Variants in SPTAN1 observed in about 807,000 individuals in gnomAD.
SPTAN1 encodes the protein spectrin alpha chain, non-erythrocytic 1.
A neutral mutation model predicts 331.3 loss-of-function variants in SPTAN1; 61 were observed. The ratio of observed to expected loss-of-function variants is 0.18; its 90% confidence interval spans 0.15 to 0.23. SPTAN1 has a LOEUF of 0.23. Ranked by LOEUF, SPTAN1 falls within the 10% of genes least tolerant of loss-of-function variation. The probability of loss-of-function intolerance (pLI) is 1.00; values close to 1 mark genes in which losing one functional copy is unlikely to be tolerated. For missense variants in SPTAN1, 2,043 were observed against 3,147.9 expected, an observed-to-expected ratio of 0.65 and a Z score of 8.40; for synonymous variants, 1,153 against 1,173.9, an observed-to-expected ratio of 0.98 and a Z score of 0.36.
intron 18 of SPTAN1, 128 bp from the exon 19 acceptor site, chr9:128,585,620 A>G (rs1402436314): frequency 3.9e-5 from 32 of 811,864 alleles, no homozygotes; most frequent in Non-Finnish European, 5.6e-5. Context: ...AAATGGAATT[A>G]TGAAAGGGCA....
chr9:128,623,321 C>A (rs183701883), intron 45 of SPTAN1, among the ~76,000 whole-genome samples: 1 of 151,724 alleles, frequency 6.6e-6, no homozygotes, highest in Admixed American at 6.6e-5. Context: ...GTGATTCTCT[C>A]GCCTTGTGCT....
chr9:128,596,368 C>T (rs1564254984), intron 24 of SPTAN1: 1 of 152,114 alleles, frequency 6.6e-6, no homozygotes, highest in Non-Finnish European at 1.5e-5. Context: ...CCTCCACCTC[C>T]CAGGTTCACG....
rs41308912 is a variant in SPTAN1, at chr9:128,630,243, C to T, written c.6708-78C>T. 0.095 allele frequency: 144,020 copies of T among 1,518,700 alleles called. 7,985 individuals carry two copies. The highest frequency in any genetic ancestry group is 0.12 in the Middle Eastern group (736 of 5,904). 94.1% of individuals were successfully genotyped at this position (1,518,700 alleles called of 1,614,324 possible). A position where few individuals can be genotyped will look rare whatever the true frequency, so the allele number is the denominator to read the frequency against. On this transcript the variant is annotated intron_variant, in intron 51 of 56. Coordinates refer to ENST00000372739, the MANE Select transcript of SPTAN1 (RefSeq NM_001130438.3). The stretch of plus-strand genomic sequence containing the variant: ...GAATGTGAGGTTGCCAGGCATTGCT[C>T]TCTCTGAGAGAAGGTTCATTCTGAG...
intron 3 of SPTAN1, among the ~76,000 whole-genome samples, chr9:128,572,739 G>A (rs1357676998): frequency 6.6e-6 from 1 of 152,200 alleles, no homozygotes; most frequent in Non-Finnish European, 1.5e-5. Flanking sequence ...TGGATAACCT[G>A]TCTGTCACTG....
chr9:128,560,804 G>C (rs1414251778), intron 1 of SPTAN1, among the ~76,000 whole-genome samples: 1 of 151,704 alleles, frequency 6.6e-6, no homozygotes, highest in Non-Finnish European at 1.5e-5. Context: ...TGGATCACCT[G>C]AGGTCAGTTC....
intron 21 of SPTAN1, among the ~76,000 whole-genome samples, chr9:128,591,178 C>G (rs1730227468): frequency 6.6e-6 from 1 of 152,030 alleles, no homozygotes; most frequent in South Asian, 2.1e-4. Flanking sequence ...TCTCCTGCAT[C>G]AGCCTCCCGA....
At chr9:128,619,318 C>G (rs1027303945) in intron 44 of SPTAN1, among the ~76,000 whole-genome samples, 17 of 152,176 alleles carry the variant, frequency 1.1e-4, no homozygotes, top group African/African-American at 4.1e-4. Flanking sequence ...CGGAGTGGCA[C>G]GAACGGAGTA....
intron 12 of SPTAN1, 186 bp downstream of exon 12, chr9:128,582,078 AT>A: frequency 1.6e-6 from 1 of 629,056 alleles, no homozygotes; most frequent in African/African-American, 1.8e-5. Flanking sequence ...TGGAAAAATG[AT>A]TTACTTAATG....
chr9:128,633,461 G>T lies in SPTAN1; in HGVS notation c.*127G>T. 1.3e-6 allele frequency: 2 copies of T among 1,511,804 alleles called. No individual in the cohort carries two copies. Among genetic ancestry groups the T allele is most frequent in the Non-Finnish European group, 9.1e-7 (1 of 1,102,250 alleles). 93.6% of individuals were successfully genotyped at this position (1,511,804 alleles called of 1,614,324 possible). On this transcript the variant is annotated 3_prime_UTR_variant, in exon 57 of 57. Coordinates refer to ENST00000372739, the MANE Select transcript of SPTAN1 (RefSeq NM_001130438.3). ...GCTTAGCTTGGAATAAGACTTAGGA[G>T]AAAATGGTGCTTCACTAACCCGCTT...
At chr9:128,581,371 G>A (rs1465326429) in intron 11 of SPTAN1, among the ~76,000 whole-genome samples, 1 of 151,504 alleles carries the variant, frequency 6.6e-6, no homozygotes, top group Non-Finnish European at 1.5e-5. Flanking sequence ...ACTTTGGGAG[G>A]CTGAGATGGG....
At chr9:128,568,655 A>T in intron 2 of SPTAN1, 117 bp from the exon 3 acceptor site, 1 of 1,391,680 alleles carries the variant, frequency 7.2e-7, no homozygotes. Flanking sequence ...GTGCCAAATG[A>T]TGTATCCCTA....
At chr9:128,591,379 TAAAAC>T in intron 21 of SPTAN1, 93 bp from the exon 22 acceptor site, 2 of 1,559,750 alleles carry the variant, frequency 1.3e-6, no homozygotes, top group Non-Finnish European at 1.8e-6. Flanking sequence ...TTGGACCTCT[TAAAAC>T]AACGCTCTCG....
At chr9:128,587,231 C>T (rs573432554) in intron 19 of SPTAN1, among the ~76,000 whole-genome samples, 5 of 152,164 alleles carry the variant, frequency 3.3e-5, no homozygotes, top group East Asian at 1.9e-4. Context: ...ACTACAGGCA[C>T]GCACCATCAC....
At chr9:128,623,674 A>G (rs949944305) in intron 45 of SPTAN1, among the ~76,000 whole-genome samples, 1 of 140,478 alleles carries the variant, frequency 7.1e-6, no homozygotes, top group African/African-American at 2.7e-5. Flanking sequence ...GGGTTTCACC[A>G]TATTAGCCAA....
intron 40 of SPTAN1, among the ~76,000 whole-genome samples, chr9:128,614,800 G>A (rs1346847392): frequency 6.6e-6 from 1 of 152,040 alleles, no homozygotes; most frequent in Non-Finnish European, 1.5e-5. Flanking sequence ...TTGCAAAGTG[G>A]CCCCTGAAAC....
chr9:128,614,785 G>T (rs1161375956), intron 40 of SPTAN1, among the ~76,000 whole-genome samples: 1 of 151,986 alleles, frequency 6.6e-6, no homozygotes. Context: ...TTGTTGGGGG[G>T]TTAGTTGCAA....
intron 41 of SPTAN1, among the ~76,000 whole-genome samples, chr9:128,617,056 G>A (rs957142952): frequency 1.1e-4 from 16 of 151,882 alleles, no homozygotes; most frequent in African/African-American, 3.4e-4. Flanking sequence ...TGGGCAACAT[G>A]GTGAAAACTC....
At chr9:128,591,164 C>CAT (rs1436792857) in intron 21 of SPTAN1, among the ~76,000 whole-genome samples, 10 of 152,096 alleles carry the variant, frequency 6.6e-5, no homozygotes, top group African/African-American at 2.4e-4. Context: ...TGGGTTCATG[C>CAT]CATTCTCCTG....
chr9:128,581,694 T>C (rs1331471437), intron 11 of SPTAN1, 88 bp from the exon 12 acceptor site: 1 of 982,758 alleles, frequency 1.0e-6, no homozygotes, highest in Non-Finnish European at 1.6e-6. Context: ...CTTCTTTTTA[T>C]ATTTTGGCCA....
Sources: gnomAD v4.1 joint callset for allele counts (sites outside exome capture counted in the v4.1 genomes callset) on GRCh38, gnomAD v4.1.1 for gene constraint, MANE v1.5 for transcripts, NCBI Gene and HGNC (gene_info 2026-07-23, HGNC 2026-07-21) for gene names.